PCDH15: variants seen among roughly 807,000 people sequenced by gnomAD.
PCDH15 encodes protocadherin-15.
A neutral mutation model predicts 178.5 loss-of-function variants in PCDH15; 129 were observed. The observed-to-expected ratio is 0.72, with a 90% CI of 0.63 to 0.84. The LOEUF is 0.84. Among genes scored for constraint, PCDH15 ranks in the 40% least tolerant of loss-of-function variants. PCDH15 has a pLI of 0.00. For synonymous variants in PCDH15, 800 were observed against 732.0 expected (o/e 1.09, Z -1.50); for missense variants, 2,230 against 2,099.9 (o/e 1.06, Z -1.21).
chr10:53,976,311 T>C (rs984801775), intron 21 of PCDH15, among the ~76,000 whole-genome samples: 1 of 152,144 alleles, frequency 6.6e-6, no homozygotes, highest in Non-Finnish European at 1.5e-5. Context: ...ATTTAACACG[T>C]TCACTAAATA....
chr10:54,331,275 GTCTC>G (rs1330516961), intron 6 of PCDH15, among the ~76,000 whole-genome samples: 1 of 151,126 alleles, frequency 6.6e-6, no homozygotes, highest in African/African-American at 2.4e-5. Context: ...TTCTTTCTTT[GTCTC>G]TCTATCTCTC....
intron 8 of PCDH15, among the ~76,000 whole-genome samples, chr10:54,306,620 C>A (rs2060487161): frequency 1.3e-5 from 2 of 151,890 alleles, no homozygotes; most frequent in Admixed American, 6.6e-5. Flanking sequence ...TGAAAGCATA[C>A]CTTCACATCA....
intron 13 of PCDH15, among the ~76,000 whole-genome samples, chr10:54,155,581 C>T (rs572957684): frequency 2.6e-5 from 4 of 152,040 alleles, no homozygotes; most frequent in East Asian, 1.9e-4. Flanking sequence ...GGAAATTAAT[C>T]GTAGTCCACC....
At chr10:54,474,483 T>C (rs2078136491) in intron 3 of PCDH15, among the ~76,000 whole-genome samples, 1 of 151,948 alleles carries the variant, frequency 6.6e-6, no homozygotes, top group South Asian at 2.1e-4. Flanking sequence ...ATCTCAGTAG[T>C]TCATATGATG....
rs536460037 is a variant in PCDH15, at chr10:55,186,296, TA to T, written c.-155-19646del. Reference sequence around the variant, plus strand: ...TTTTTATTTTTAGATGAACAATATTTAAAAAAAAACTTTTTGCTTTATGTAC... The same window carrying T: ...TTTTTATTTTTAGATGAACAATATTTAAAAAAAACTTTTTGCTTTATGTAC... On this transcript the variant is annotated intron_variant, in intron 1 of 5. Transcript: ENST00000458638. Among the ~76,000 whole-genome samples, 737 of 150,874 alleles carry T rather than the reference TA, an allele frequency of 4.9e-3. 2 individuals are homozygous for T. Among genetic ancestry groups the T allele is most frequent in the Non-Finnish European group, 7.8e-3 (526 of 67,432 alleles).
At chr10:54,494,243 AT>A in intron 3 of PCDH15, among the ~76,000 whole-genome samples, 1 of 151,534 alleles carries the variant, frequency 6.6e-6, no homozygotes, top group Non-Finnish European at 1.5e-5. Context: ...TAAAATAATA[AT>A]AATAAAAAGA....
chr10:54,507,146 T>C (rs1388260970), intron 3 of PCDH15, among the ~76,000 whole-genome samples: 2 of 151,902 alleles, frequency 1.3e-5, no homozygotes, highest in Admixed American at 6.6e-5. Context: ...CAGGGTATTA[T>C]TAGAAGCATT....
intron 25 of PCDH15, among the ~76,000 whole-genome samples, chr10:53,937,644 C>T (rs1185020464): frequency 6.6e-6 from 1 of 152,126 alleles, no homozygotes; most frequent in Non-Finnish European, 1.5e-5. Context: ...CTACAAGGAA[C>T]TGAGCAGCTC....
At chr10:55,604,022 T>A (rs2132149151) in intron 2 of PCDH15, among the ~76,000 whole-genome samples, 1 of 106,128 alleles carries the variant, frequency 9.4e-6, no homozygotes, top group South Asian at 3.3e-4. Context: ...GAGACACACA[T>A]AGGCTCAAAA....
chr10:55,312,670 C>T (rs1022639636), intron 1 of PCDH15, among the ~76,000 whole-genome samples: 5 of 151,460 alleles, frequency 3.3e-5, no homozygotes, highest in East Asian at 3.9e-4. Flanking sequence ...CAGGCTGGAG[C>T]GCAATGGCAC....
intron 2 of PCDH15, among the ~76,000 whole-genome samples, chr10:55,131,775 T>C (rs977055479): frequency 1.3e-5 from 2 of 152,096 alleles, no homozygotes; most frequent in African/African-American, 4.8e-5. Flanking sequence ...TTTGTGGTTT[T>C]TATGGGCTTC....
intron 32 of PCDH15, among the ~76,000 whole-genome samples, chr10:53,825,521 C>G (rs570546628): frequency 6.6e-5 from 10 of 151,804 alleles, no homozygotes; most frequent in Admixed American, 6.6e-4. Flanking sequence ...TTAATGCACA[C>G]TGACTTTTAA....
At chr10:55,293,029 C>T (rs988633536) in intron 1 of PCDH15, among the ~76,000 whole-genome samples, 5 of 152,134 alleles carry the variant, frequency 3.3e-5, no homozygotes, top group East Asian at 1.9e-4. Flanking sequence ...CCATGAGGGC[C>T]GGGCCCCTGC....
At chr10:54,424,394 C>G (rs1016960910) in intron 3 of PCDH15, among the ~76,000 whole-genome samples, 11 of 151,820 alleles carry the variant, frequency 7.2e-5, no homozygotes, top group Non-Finnish European at 1.6e-4. Flanking sequence ...AATAGGAACA[C>G]TTTTACACTG....
At chr10:54,290,651 A>T (rs1463757738) in intron 8 of PCDH15, among the ~76,000 whole-genome samples, 1 of 152,252 alleles carries the variant, frequency 6.6e-6, no homozygotes, top group East Asian at 1.9e-4. Flanking sequence ...CAAGAGACAC[A>T]TCTCACATAC....
At chr10:53,996,525 A>C (rs1175163721) in intron 20 of PCDH15, among the ~76,000 whole-genome samples, 4 of 152,182 alleles carry the variant, frequency 2.6e-5, no homozygotes, top group African/African-American at 9.6e-5. Flanking sequence ...GTTGTGACTC[A>C]AGAAAAAGAT....
At chr10:54,218,254 A>G (rs2052337778) in intron 9 of PCDH15, among the ~76,000 whole-genome samples, 1 of 152,022 alleles carries the variant, frequency 6.6e-6, no homozygotes, top group Admixed American at 6.5e-5. Context: ...TGAATGGATC[A>G]TGGCATTGAG....
intron 3 of PCDH15, among the ~76,000 whole-genome samples, chr10:54,515,979 C>G (rs1045940219): frequency 6.6e-6 from 1 of 152,184 alleles, no homozygotes; most frequent in Non-Finnish European, 1.5e-5. Flanking sequence ...AGGACATCCA[C>G]ACCAAAAATC....
chr10:54,023,695 T>C (rs2092999299), intron 18 of PCDH15, among the ~76,000 whole-genome samples: 1 of 150,548 alleles, frequency 6.6e-6, no homozygotes, highest in African/African-American at 2.4e-5. Context: ...TATGTGATAA[T>C]GTTTATTATA....
Sources: allele counts gnomAD v4.1 joint callset (sites outside exome capture counted in the v4.1 genomes callset), GRCh38; gene constraint gnomAD v4.1.1; transcripts MANE v1.5; gene names NCBI Gene and HGNC (gene_info 2026-07-23, HGNC 2026-07-21).